CSF1R: variants seen among roughly 807,000 people sequenced by gnomAD.
CSF1R encodes the protein colony stimulating factor 1 receptor.
Under a neutral mutation model 110.0 loss-of-function variants are expected in CSF1R, and 40 were observed. The ratio of observed to expected loss-of-function variants is 0.36; its 90% CI spans 0.28 to 0.47. CSF1R has a LOEUF of 0.47. Ranked by LOEUF, CSF1R falls within the 20% of genes least tolerant of loss-of-function variation. CSF1R has a pLI of 0.99. For missense variants in CSF1R, 1,052 were observed against 1,253.0 expected (o/e 0.84, Z 2.42); for synonymous variants, 523 against 503.4 (o/e 1.04, Z -0.52).
intron 1 of CSF1R, among the ~76,000 whole-genome samples, chr5:150,084,533 A>G (rs1480751267): frequency 1.3e-5 from 2 of 150,054 alleles, no homozygotes; most frequent in African/African-American, 4.9e-5. Flanking sequence ...GCTCACTGCA[A>G]CCTCTGCCTC....
chr5:150,110,651 A>G (rs1759689815), intron 1 of CSF1R, among the ~76,000 whole-genome samples: 1 of 152,226 alleles, frequency 6.6e-6, no homozygotes, highest in Non-Finnish European at 1.5e-5. Flanking sequence ...TTCTATGTAG[A>G]TAGGTACAGA....
In CSF1R at chr5:150,077,048, C is replaced by T. The variant is rs185292849; in HGVS notation, c.889+228G>A. 2.8e-4 allele frequency: 166 copies of T among 595,324 alleles called. 1 individual carries two copies. The East Asian group carries it at 4.6e-3, about 16-fold the overall frequency. The allele number at this position is 595,324 out of a possible 1,614,324, so 36.9% of individuals were successfully genotyped here. Reference sequence around the variant, plus strand: ...AACAAAAAATGGCACTAAGGTGCACCCAATGCAGCCATGCACTGTAAGAGC... The same window carrying T: ...AACAAAAAATGGCACTAAGGTGCACTCAATGCAGCCATGCACTGTAAGAGC... On this transcript the variant is annotated intron_variant, in intron 5 of 20. Coordinates refer to ENST00000675795, the MANE Select transcript of CSF1R (RefSeq NM_001288705.3).
intron 14 of CSF1R, chr5:150,058,226 T>C (rs779721562): frequency 4.4e-6 from 2 of 456,230 alleles, no homozygotes; most frequent in Non-Finnish European, 8.8e-6. Context: ...CAGGCCTGGG[T>C]GGATGGGCCT....
chr5:150,107,424 T>C (rs1053645493), intron 1 of CSF1R, among the ~76,000 whole-genome samples: 2 of 152,200 alleles, frequency 1.3e-5, no homozygotes, highest in Admixed American at 6.5e-5. Flanking sequence ...GGTTGATCCA[T>C]TGGGCACACT....
chr5:150,100,323 A>G (rs1051802744), intron 1 of CSF1R, among the ~76,000 whole-genome samples: 26 of 76,238 alleles, frequency 3.4e-4, no homozygotes, highest in Non-Finnish European at 5.3e-4. Flanking sequence ...TCTGAGACGG[A>G]GTCTTGCTCT....
chr5:150,083,349 A>ACACAC (rs1758641931), intron 1 of CSF1R, among the ~76,000 whole-genome samples: 2 of 106,328 alleles, frequency 1.9e-5, no homozygotes, highest in African/African-American at 7.4e-5. Context: ...CTTCTCTCCC[A>ACACAC]ACACACACAC....
Position 150,073,371 on chromosome 5 carries a change from A to G in CSF1R, c.1012T>C (p.Tyr338His). The change falls in exon 6 of 21, where the codon TAC (tyrosine) becomes CAC (histidine). Residue 338 changes from tyrosine (Y) to histidine (H), a missense_variant. Physicochemically the swap from Tyr to His is moderately conservative, Grantham distance 83. Coordinates refer to ENST00000675795, the MANE Select transcript of CSF1R (RefSeq NM_001288705.3). ...TGGTGGTCAGAAAAGGGTCCCAGGT[A>G]GGTCCAGTTAAAACCTTGCAGGCCT... The part of the protein sequence containing the change: ...YPGLQGFNWT[Y>H]LGPFSDHQPE... The G allele has an allele frequency of 1.2e-6, 2 of 1,614,190 alleles. No homozygotes were observed. Among genetic ancestry groups the G allele is most frequent in the Non-Finnish European group, 1.7e-6 (2 of 1,180,032 alleles).
At chr5:150,082,097 C>T (rs760051932) in intron 1 of CSF1R, among the ~76,000 whole-genome samples, 1 of 152,240 alleles carries the variant, frequency 6.6e-6, no homozygotes, top group Non-Finnish European at 1.5e-5. Context: ...CCACTCTCCT[C>T]TCTCCAGGCA....
At chr5:150,078,360 C>A in intron 3 of CSF1R, 112 bp from the exon 4 acceptor site, 2 of 1,372,340 alleles carry the variant, frequency 1.5e-6, no homozygotes, top group Non-Finnish European at 2.0e-6. Flanking sequence ...CCATCACTGC[C>A]CCATCCCAAA....
chr5:150,053,736 T>G lies in CSF1R; in HGVS notation c.*333A>C. ...GTAGCTCCTGGGGACTTCATAGGCATAAAGTCAGTCCATTTCCATGAAGAT... is the reference window on the plus strand; with the variant it reads ...GTAGCTCCTGGGGACTTCATAGGCAGAAAGTCAGTCCATTTCCATGAAGAT... On this transcript the variant is annotated 3_prime_UTR_variant, in exon 21 of 21. Transcript: ENST00000675795. 2.3e-6 allele frequency: 1 copy of G among 427,402 alleles called. No homozygotes were observed. Among genetic ancestry groups the G allele is most frequent in the Admixed American group, 4.0e-5 (1 of 25,040 alleles). 26.5% of individuals were successfully genotyped at this position (427,402 alleles called of 1,614,324 possible).
chr5:150,088,003 T>C (rs1758911951), upstream of CSF1R, among the ~76,000 whole-genome samples: 1 of 152,210 alleles, frequency 6.6e-6, no homozygotes, highest in Non-Finnish European at 1.5e-5. Flanking sequence ...CCCAAAGTAC[T>C]GGGATTATAG....
At chr5:150,054,688 C>T (rs1305286507) in intron 19 of CSF1R, 2 of 444,618 alleles carry the variant, frequency 4.5e-6, no homozygotes, top group Non-Finnish European at 7.9e-6. Context: ...ATAACGATCT[C>T]TTAAAAGTCT....
chr5:150,083,390 A>C (rs894416361), intron 1 of CSF1R, among the ~76,000 whole-genome samples: 4 of 147,550 alleles, frequency 2.7e-5, no homozygotes, highest in Non-Finnish European at 5.9e-5. Context: ...ACACACACAC[A>C]CACACACACA....
intron 1 of CSF1R, among the ~76,000 whole-genome samples, chr5:150,082,663 C>T (rs1463495810): frequency 6.6e-6 from 1 of 152,244 alleles, no homozygotes; most frequent in Non-Finnish European, 1.5e-5. Context: ...CTCACACCAA[C>T]TTGGGTTTGG....
intron 1 of CSF1R, among the ~76,000 whole-genome samples, chr5:150,104,036 G>T (rs749225540): frequency 1.3e-5 from 2 of 152,034 alleles, no homozygotes; most frequent in Non-Finnish European, 2.9e-5. Flanking sequence ...TGGGAGGGGG[G>T]TACCTGCACA....
intron 4 of CSF1R, 127 bp downstream of exon 4, chr5:150,077,985 C>G: frequency 8.1e-7 from 1 of 1,227,176 alleles, no homozygotes. Context: ...GCACCCCTCT[C>G]TGGAGTCTGA....
Position 150,069,886 on chromosome 5 carries a change from T to C in CSF1R, c.1497A>G (p.Ile499Met). The C allele has an allele frequency of 6.2e-7, 1 of 1,610,908 alleles. No individual in the cohort carries two copies. The highest frequency in any genetic ancestry group is 1.3e-5 in the African/African-American group (1 of 74,706). Residue 499 changes from isoleucine to methionine, a missense_variant, in exon 9 of 21, where the codon ATA becomes ATG. Ile to Met is a conservative substitution (Grantham distance 10). This residue lies in a region of CSF1R where 693 missense variants were observed against 735.4 expected (regional missense o/e 0.94). Coordinates refer to ENST00000675795, the MANE Select transcript of CSF1R (RefSeq NM_001288705.3). ...GCTCCCTCTCACCTGCAGAGATGGGTATGAAGGCCCAGGAGCCACTCCCCA... is the reference window on the plus strand; with the variant it reads ...GCTCCCTCTCACCTGCAGAGATGGGCATGAAGGCCCAGGAGCCACTCCCCA... ...NSVGSGSWAF[I>M]PISAGAHTHP... is the part of the protein sequence containing the mutation.
intron 14 of CSF1R, chr5:150,058,360 TTCTC>T: frequency 2.2e-6 from 1 of 456,154 alleles, no homozygotes; most frequent in South Asian, 1.5e-5. Context: ...CAGATAGGAT[TTCTC>T]TCTCCCTCCT....
At chr5:150,077,151 A>T in intron 5 of CSF1R, 125 bp downstream of exon 5, 2 of 1,314,296 alleles carry the variant, frequency 1.5e-6, no homozygotes, top group Non-Finnish European at 2.2e-6. Context: ...GCCTTGGATA[A>T]ACAAACTCCA....
Sources: gnomAD v4.1 joint callset for allele counts (sites outside exome capture counted in the v4.1 genomes callset) on GRCh38, gnomAD v4.1.1 for gene constraint, gnomAD v4.1.1 regional missense constraint, MANE v1.5 for transcripts, NCBI Gene and HGNC (gene_info 2026-07-23, HGNC 2026-07-21) for gene names.